Variants in ITGB1BP1 observed in about 807,000 individuals in gnomAD.
ITGB1BP1 encodes the protein integrin subunit beta 1 binding protein 1.
ITGB1BP1 carries 20 observed loss-of-function variants against 28.0 expected under a neutral mutation model. That is an observed-to-expected ratio of 0.71 (90% confidence interval 0.50 to 1.04). The LOEUF is 1.04. ITGB1BP1 is among the 50% of genes least tolerant of loss of function. The probability of loss-of-function intolerance (pLI) is 0.00; values close to 1 mark genes in which losing one functional copy is unlikely to be tolerated. For missense variants in ITGB1BP1, 228 were observed against 242.5 expected, an observed-to-expected ratio of 0.94 and a Z score of 0.40; for synonymous variants, 103 against 89.5, an observed-to-expected ratio of 1.15 and a Z score of -0.85.
chr2:9,403,564 G>T lies in ITGB1BP1; in HGVS notation c.*3270C>A, dbSNP rs1676934087. On this transcript the variant is annotated 3_prime_UTR_variant, in exon 7 of 7. Coordinates refer to ENST00000355346, the MANE Select transcript of ITGB1BP1 (RefSeq NM_004763.5). ...TAGGAAAAACTGAATTTCCCAACAG[G>T]TGAACTGAAAAGTTATTTTAACTAT... 10 of 506,218 alleles carry T rather than the reference G, an allele frequency of 2.0e-5. No homozygotes were observed. The South Asian group carries it at 2.6e-4, about 13-fold the overall frequency. 31.4% of individuals were successfully genotyped at this position (506,218 alleles called of 1,614,324 possible). A position where few individuals can be genotyped will look rare whatever the true frequency, so the allele number is the denominator to read the frequency against.
intron 2 of ITGB1BP1, 64 bp downstream of exon 2, chr2:9,418,562 T>C (rs576778262): frequency 2.2e-4 from 237 of 1,077,548 alleles, no homozygotes; most frequent in Non-Finnish European, 3.2e-4. Context: ...CTCCATACAA[T>C]ATCAGCTAGA....
At chr2:9,409,948 G>A (rs1056375169) in intron 4 of ITGB1BP1, among the ~76,000 whole-genome samples, 27 of 150,156 alleles carry the variant, frequency 1.8e-4, no homozygotes, top group Non-Finnish European at 3.0e-4. Flanking sequence ...GGGTTCAAGC[G>A]ATTCTCCTGC....
At position 9,415,997 on chromosome 2, in the gene ITGB1BP1, T is replaced by G. The variant is rs563277950; in HGVS notation, c.73-1741A>C. The stretch of plus-strand genomic sequence containing the variant: ...TGCGACCCTGCGAGACGCCTCCTTC[T>G]GTGCTGTGCCTCACCCCGGTCCTGG... On this transcript the variant is annotated intron_variant, in intron 2 of 6. Transcript: ENST00000355346. The surrounding 1 kb of genome is among the most constrained non-coding windows in gnomAD (Gnocchi z 4.1). Among the ~76,000 whole-genome samples, 3 of 152,360 alleles carry G rather than the reference T, an allele frequency of 2.0e-5. No homozygotes were observed. Among genetic ancestry groups the G allele is most frequent in the Non-Finnish European group, 4.4e-5 (3 of 68,028 alleles).
rs369866159 is a variant in ITGB1BP1, at chr2:9,418,608, C to T, written c.72+18G>A. On this transcript the variant is annotated intron_variant, in intron 2 of 6. Coordinates refer to ENST00000355346, the MANE Select transcript of ITGB1BP1 (RefSeq NM_004763.5). ...CTCTCCCTGCTTTATGATTCTGTTC[C>T]AAATTCCATTTCCCTACCTTGCTCT... The T allele has an allele frequency of 4.7e-5, 72 of 1,534,292 alleles. No homozygotes were observed. Among genetic ancestry groups the T allele is most frequent in the African/African-American group, 4.1e-5 (3 of 73,264 alleles).
rs1379456481 is a variant in ITGB1BP1 at position 9,406,134 on chromosome 2, AGTGT to A, written c.*696_*699del. 8.8e-5 allele frequency: 2 copies of A among 22,822 alleles called. No individual in the cohort carries two copies. The highest frequency in any genetic ancestry group is 1.5e-4 in the Non-Finnish European group (2 of 13,276). 1.4% of individuals were successfully genotyped at this position (22,822 alleles called of 1,614,324 possible). A position where few individuals can be genotyped will look rare whatever the true frequency, so the allele number is the denominator to read the frequency against. Reference sequence around the variant, plus strand: ...GACATCTCGTCTTCCTCAGGCCTTCAGTGTGTGTTTGTCACTGAGTGGACCTCTG... The same window carrying A: ...GACATCTCGTCTTCCTCAGGCCTTCAGTGTTTGTCACTGAGTGGACCTCTG... On this transcript the variant is annotated 3_prime_UTR_variant, in exon 7 of 7. Coordinates refer to ENST00000355346, the MANE Select transcript of ITGB1BP1 (RefSeq NM_004763.5).
intron 4 of ITGB1BP1, among the ~76,000 whole-genome samples, chr2:9,409,752 G>T (rs1319150614): frequency 6.6e-6 from 1 of 151,842 alleles, no homozygotes; most frequent in Non-Finnish European, 1.5e-5. Flanking sequence ...ATGAGGTTAC[G>T]TGAGGACTTA....
At chr2:9,416,495 A>G (rs1679163368) in intron 2 of ITGB1BP1, among the ~76,000 whole-genome samples, 1 of 152,142 alleles carries the variant, frequency 6.6e-6, no homozygotes, top group East Asian at 1.9e-4. Context: ...AGCTGCCTCC[A>G]GGCTGCCTTT....
At chr2:9,408,939 A>G (rs1194628898) in intron 4 of ITGB1BP1, among the ~76,000 whole-genome samples, 3 of 152,244 alleles carry the variant, frequency 2.0e-5, no homozygotes, top group African/African-American at 7.2e-5. Flanking sequence ...TCATTTCCAC[A>G]GCATAGACCA....
At chr2:9,408,292 C>T (rs996582154) in intron 4 of ITGB1BP1, 87 bp from the exon 5 acceptor site, 1 of 805,144 alleles carries the variant, frequency 1.2e-6, no homozygotes, top group East Asian at 2.5e-5. Context: ...ATCTGGCCAT[C>T]GCAAGCCCAA....
At chr2:9,411,206 T>A (rs538940455) in intron 4 of ITGB1BP1, among the ~76,000 whole-genome samples, 1 of 152,240 alleles carries the variant, frequency 6.6e-6, no homozygotes, top group Non-Finnish European at 1.5e-5. Context: ...CTTGATTTTA[T>A]CTTTTTGAAA....
At chr2:9,423,290 G>A in intron 1 of ITGB1BP1, 83 bp downstream of exon 1, 1 of 1,217,400 alleles carries the variant, frequency 8.2e-7, no homozygotes. Flanking sequence ...ATCCTTCCTG[G>A]CCGTCCGCGC....
At chr2:9,417,144 C>T (rs1558435527) in intron 2 of ITGB1BP1, among the ~76,000 whole-genome samples, 1 of 152,026 alleles carries the variant, frequency 6.6e-6, no homozygotes, top group Admixed American at 6.6e-5. Context: ...TCTGTCACTC[C>T]CTGGCCCCAG....
At position 9,407,606 on chromosome 2, in the gene ITGB1BP1, A is replaced by G. The variant is rs113734942; in HGVS notation, c.382-8T>C. On this transcript the variant is annotated splice_polypyrimidine_tract_variant and splice_region_variant and intron_variant, in intron 5 of 6. Transcript: ENST00000355346. ...ATGCCTGTGCAAAACATCCTGCAGA[A>G]GTCAGGAAAGATTCCGAGAGATCAG... 1 of 1,614,048 alleles carries G rather than the reference A, an allele frequency of 6.2e-7. No individual in the cohort carries two copies. The highest frequency in any genetic ancestry group is 8.5e-7 in the Non-Finnish European group (1 of 1,179,988).
At chr2:9,410,564 C>T (rs1043978668) in intron 4 of ITGB1BP1, among the ~76,000 whole-genome samples, 11 of 152,238 alleles carry the variant, frequency 7.2e-5, no homozygotes, top group Admixed American at 5.2e-4. Context: ...CTCAGCCTCC[C>T]GAGTAGCTGG....
At chr2:9,411,305 C>A (rs1241119102) in intron 4 of ITGB1BP1, among the ~76,000 whole-genome samples, 1 of 152,144 alleles carries the variant, frequency 6.6e-6, no homozygotes, top group Non-Finnish European at 1.5e-5. Flanking sequence ...TATTGAGAGA[C>A]AGAACTGGTC....
intron 6 of ITGB1BP1, 86 bp downstream of exon 6, chr2:9,407,363 T>C (rs918607658): frequency 7.0e-7 from 1 of 1,423,890 alleles, no homozygotes; most frequent in Non-Finnish European, 9.8e-7. Context: ...ATATAATGGA[T>C]TGTATTTCTT....
intron 6 of ITGB1BP1, 161 bp downstream of exon 6, chr2:9,407,288 G>C (rs933859966): frequency 5.3e-6 from 4 of 761,644 alleles, no homozygotes; most frequent in African/African-American, 5.3e-5. Flanking sequence ...AACCTGCACT[G>C]TCTTGCCAGC....
intron 1 of ITGB1BP1, 39 bp from the exon 2 acceptor site, chr2:9,418,771 A>C (rs1572731736): frequency 7.0e-7 from 1 of 1,425,356 alleles, no homozygotes; most frequent in East Asian, 2.3e-5. Context: ...CATCGGGAAA[A>C]GCAACTTTTT....
At chr2:9,408,056 T>C in intron 5 of ITGB1BP1, 57 bp downstream of exon 5, 1 of 940,546 alleles carries the variant, frequency 1.1e-6, no homozygotes. Flanking sequence ...GGGCTCTTAA[T>C]GGCCTGAATT....
Sources: allele counts gnomAD v4.1 joint callset (sites outside exome capture counted in the v4.1 genomes callset), GRCh38; gene constraint gnomAD v4.1.1; non-coding constraint Gnocchi (gnomAD v3.1); transcripts MANE v1.5; gene names NCBI Gene and HGNC (gene_info 2026-07-23, HGNC 2026-07-21).